Variants in RANBP2 observed in about 807,000 individuals in gnomAD.
The protein encoded by RANBP2 is E3 SUMO-protein ligase RanBP2.
Under a neutral mutation model 303.6 loss-of-function variants are expected in RANBP2, and 57 were observed. The ratio of observed to expected loss-of-function variants is 0.19; its 90% CI spans 0.15 to 0.23. The LOEUF (loss-of-function observed/expected upper bound fraction) is 0.23. RANBP2 is among the 10% of genes least tolerant of loss of function. The pLI is 1.00. For missense variants in RANBP2, 3,138 were observed against 3,780.8 expected, an observed-to-expected ratio of 0.83 and a Z score of 4.46; for synonymous variants, 1,167 against 1,301.5, an observed-to-expected ratio of 0.90 and a Z score of 2.23.
At chr2:108,896,228 A>G in the RANBP2 span, 1 of 152,358 alleles carries the variant, frequency 6.6e-6, no homozygotes, top group Non-Finnish European at 1.5e-5. Flanking sequence ...AAGGCCTGTA[A>G]GAATATGGAT....
At chr2:109,342,553 C>T in the RANBP2 span, among the ~76,000 whole-genome samples, 2,189 of 152,314 alleles carry the variant, frequency 0.014, 68 homozygotes, top group African/African-American at 0.049. Flanking sequence ...CACAGGGAGC[C>T]GGTGCTCCAC....
At chr2:109,007,171 G>T in the RANBP2 span, among the ~76,000 whole-genome samples, 1 of 152,222 alleles carries the variant, frequency 6.6e-6, no homozygotes, top group African/African-American at 2.4e-5. Flanking sequence ...TCAGGAAAGG[G>T]CCTTGGCCCA....
At chr2:109,139,993 A>G in the RANBP2 span, among the ~76,000 whole-genome samples, 1 of 152,190 alleles carries the variant, frequency 6.6e-6, no homozygotes, top group South Asian at 2.1e-4. Context: ...AGGAGGGTTT[A>G]TTGATCAGAG....
chr2:108,786,826 G>A (rs1168815117), downstream of RANBP2: 1 of 1,589,806 alleles, frequency 6.3e-7, no homozygotes, highest in East Asian at 2.3e-5. Flanking sequence ...GTGTGCTATG[G>A]AGCCGAGGGT....
the RANBP2 span, among the ~76,000 whole-genome samples, chr2:109,711,794 G>T: frequency 6.6e-6 from 1 of 152,092 alleles, no homozygotes; most frequent in Non-Finnish European, 1.5e-5. Context: ...CTTTGTCTCG[G>T]TCTATTTTCT....
At chr2:109,465,794 G>A in the RANBP2 span, among the ~76,000 whole-genome samples, 72,463 of 151,848 alleles carry the variant, frequency 0.48, 18,779 homozygotes, top group Non-Finnish European at 0.56. Context: ...AGGGGAGGGA[G>A]GAGGTGCTAT....
chr2:108,853,904 ATAT>A, the RANBP2 span, among the ~76,000 whole-genome samples: 12 of 123,888 alleles, frequency 9.7e-5, no homozygotes, highest in East Asian at 2.0e-4. Context: ...TATATATTAT[ATAT>A]TATATAGTAT....
the RANBP2 span, among the ~76,000 whole-genome samples, chr2:109,583,129 C>T: frequency 9.2e-5 from 14 of 152,192 alleles, no homozygotes; most frequent in Non-Finnish European, 1.3e-4. Context: ...AAAGAATTTA[C>T]GATTAAGTCC....
the RANBP2 span, among the ~76,000 whole-genome samples, chr2:109,020,350 A>G: frequency 6.6e-6 from 1 of 152,220 alleles, no homozygotes; most frequent in South Asian, 2.1e-4. Flanking sequence ...TTTACAAAAC[A>G]GAGATCAAAC....
chr2:109,649,310 G>A, the RANBP2 span, among the ~76,000 whole-genome samples: 1 of 152,098 alleles, frequency 6.6e-6, no homozygotes, highest in African/African-American at 2.4e-5. Flanking sequence ...TTAAGTTGAA[G>A]CTTTCTAATA....
At chr2:109,493,038 A>T in the RANBP2 span, among the ~76,000 whole-genome samples, 3 of 151,828 alleles carry the variant, frequency 2.0e-5, no homozygotes, top group Admixed American at 6.6e-5. Flanking sequence ...ATACAAACAC[A>T]TACCCCACAT....
chr2:108,851,937 A>G, the RANBP2 span, among the ~76,000 whole-genome samples: 1 of 152,288 alleles, frequency 6.6e-6, no homozygotes, highest in South Asian at 2.1e-4. Flanking sequence ...AATTGTGCCA[A>G]AACGATACAA....
the RANBP2 span, among the ~76,000 whole-genome samples, chr2:109,526,931 G>A: frequency 7.2e-5 from 11 of 152,156 alleles, no homozygotes; most frequent in African/African-American, 2.4e-4. Flanking sequence ...CACGAGGCTC[G>A]AGCCTGCCTG....
chr2:109,513,407 C>T, the RANBP2 span, among the ~76,000 whole-genome samples: 6 of 151,954 alleles, frequency 3.9e-5, no homozygotes, highest in South Asian at 2.1e-4. Context: ...CATGCACATA[C>T]TCCACATGCA....
the RANBP2 span, among the ~76,000 whole-genome samples, chr2:109,509,970 T>G: frequency 4.6e-5 from 7 of 152,132 alleles, no homozygotes; most frequent in Non-Finnish European, 1.0e-4. Context: ...CGCAGGAAAC[T>G]CTTATCTAGT....
the RANBP2 span, among the ~76,000 whole-genome samples, chr2:109,285,778 G>T: frequency 6.6e-6 from 1 of 152,240 alleles, no homozygotes; most frequent in African/African-American, 2.4e-5. Flanking sequence ...ACCTGGCAGG[G>T]TGTGAGTCTG....
At chr2:109,128,971 C>T in the RANBP2 span, 2 of 421,722 alleles carry the variant, frequency 4.7e-6, no homozygotes, top group African/African-American at 2.1e-5. Context: ...GACCTCCGCG[C>T]GCACCCCCGC....
the RANBP2 span, among the ~76,000 whole-genome samples, chr2:109,373,743 C>T: frequency 6.6e-6 from 1 of 152,046 alleles, no homozygotes; most frequent in South Asian, 2.1e-4. Context: ...AAAATGGTGT[C>T]CAGTTAAGCT....
At chr2:108,826,553 A>C in the RANBP2 span, among the ~76,000 whole-genome samples, 1 of 152,204 alleles carries the variant, frequency 6.6e-6, no homozygotes, top group Non-Finnish European at 1.5e-5. Context: ...GTTGAAAATA[A>C]ATACAGTGTA....
Sources: gnomAD v4.1 joint callset for allele counts (sites outside exome capture counted in the v4.1 genomes callset) on GRCh38, gnomAD v4.1.1 for gene constraint, MANE v1.5 for transcripts, NCBI Gene and HGNC (gene_info 2026-07-23, HGNC 2026-07-21) for gene names.